Variants in THRB observed in about 807,000 individuals in gnomAD.
THRB encodes the protein thyroid hormone receptor beta, also known as nuclear receptor subfamily 1 group A member 2.
In THRB, 12 loss-of-function variants were observed where a neutral mutation model predicts 47.8. The observed-to-expected ratio is 0.25, with a 90% CI of 0.16 to 0.41. The LOEUF (loss-of-function observed/expected upper bound fraction) is 0.41, where lower values mean the gene tolerates loss of function less well. Among genes scored for constraint, THRB ranks in the 10% least tolerant of loss-of-function variants. The pLI, the probability that THRB is intolerant of heterozygous loss-of-function variation, is 1.00. For missense variants in THRB, 348 were observed against 589.2 expected (o/e 0.59, Z 4.24); for synonymous variants, 218 against 212.2 (o/e 1.03, Z -0.24).
At chr3:24,396,602 T>G (rs944692449) in intron 1 of THRB, among the ~76,000 whole-genome samples, 1 of 152,108 alleles carries the variant, frequency 6.6e-6, no homozygotes, top group Admixed American at 6.6e-5. Flanking sequence ...AAAGAAACTA[T>G]GCACCACTGG....
intron 9 of THRB, among the ~76,000 whole-genome samples, chr3:24,130,969 G>A (rs148386762): frequency 5.1e-4 from 77 of 152,262 alleles, no homozygotes; most frequent in Non-Finnish European, 8.7e-4. Flanking sequence ...ATATGTAAAC[G>A]CTATGTCCTC....
intron 8 of THRB, among the ~76,000 whole-genome samples, chr3:24,142,848 A>C (rs1287460136): frequency 6.6e-6 from 1 of 152,248 alleles, no homozygotes; most frequent in Non-Finnish European, 1.5e-5. Flanking sequence ...AGCTTACCTC[A>C]AAACACTATG....
chr3:24,482,723 G>T (rs79135424), intron 1 of THRB, among the ~76,000 whole-genome samples: 1 of 152,108 alleles, frequency 6.6e-6, no homozygotes, highest in African/African-American at 2.4e-5. Flanking sequence ...ACTGCTGTGC[G>T]ATATGCTGAG....
intron 1 of THRB, among the ~76,000 whole-genome samples, chr3:24,431,573 A>C (rs2070427175): frequency 6.6e-6 from 1 of 152,128 alleles, no homozygotes; most frequent in South Asian, 2.1e-4. Flanking sequence ...CATTTTGAAA[A>C]ATACATTTGA....
intron 1 of THRB, among the ~76,000 whole-genome samples, chr3:24,346,991 G>C (rs2063060861): frequency 6.6e-6 from 1 of 152,040 alleles, no homozygotes; most frequent in South Asian, 2.1e-4. Flanking sequence ...CAAAATTTAT[G>C]TGTTGATAAT....
At chr3:24,421,434 T>C (rs759375502) in intron 1 of THRB, among the ~76,000 whole-genome samples, 3 of 150,890 alleles carry the variant, frequency 2.0e-5, no homozygotes, top group Admixed American at 6.6e-5. Context: ...CTGGTGTAGG[T>C]GAAAAGAGAT....
intron 1 of THRB, among the ~76,000 whole-genome samples, chr3:24,362,535 T>A (rs2064150805): frequency 6.6e-6 from 1 of 152,160 alleles, no homozygotes; most frequent in Admixed American, 6.6e-5. Flanking sequence ...CACCTTCTAA[T>A]ATCCAACACT....
intron 3 of THRB, among the ~76,000 whole-genome samples, chr3:24,278,158 G>A (rs766050354): frequency 6.6e-6 from 1 of 152,152 alleles, no homozygotes; most frequent in Non-Finnish European, 1.5e-5. Flanking sequence ...AGAAAGATTT[G>A]TAATGCCTTG....
intron 4 of THRB, among the ~76,000 whole-genome samples, chr3:24,206,491 C>T (rs2045367666): frequency 6.6e-6 from 1 of 152,252 alleles, no homozygotes; most frequent in Admixed American, 6.5e-5. Flanking sequence ...CTCTGGGACA[C>T]ATTTAAAGCA....
intron 1 of THRB, among the ~76,000 whole-genome samples, chr3:24,411,397 A>T (rs1201825816): frequency 6.6e-6 from 1 of 151,736 alleles, no homozygotes; most frequent in Non-Finnish European, 1.5e-5. Flanking sequence ...GATCTCTGAG[A>T]TGTTTTACTT....
chr3:24,429,980 G>C (rs2070198284), intron 1 of THRB: 1 of 152,026 alleles, frequency 6.6e-6, no homozygotes, highest in Non-Finnish European at 1.5e-5. Context: ...AAAATTGTCA[G>C]TAGGATCTTA....
In THRB at chr3:24,139,913, C is replaced by T. The variant is rs1342541257; in HGVS notation, c.738+3588G>A. Among the ~76,000 whole-genome samples the T allele has an allele frequency of 3.9e-5, 6 of 152,062 alleles. No homozygotes were observed. The East Asian group carries it at 9.6e-4, about 24-fold the overall frequency. On this transcript the variant is annotated intron_variant, in intron 8 of 10. Transcript: ENST00000646209. ...TCTTTTTTGGAACAAAATGGGACAT[C>T]AACACATAAAAAATAAATAACACGT...
chr3:24,380,569 C>G (rs1333196742), intron 1 of THRB, among the ~76,000 whole-genome samples: 1 of 152,174 alleles, frequency 6.6e-6, no homozygotes, highest in Non-Finnish European at 1.5e-5. Context: ...GCCCTATGAA[C>G]ACATATTCTA....
At chr3:24,243,320 T>C (rs1159055140) in intron 3 of THRB, among the ~76,000 whole-genome samples, 1 of 152,018 alleles carries the variant, frequency 6.6e-6, no homozygotes, top group African/African-American at 2.4e-5. Flanking sequence ...ACGATTCCGC[T>C]CCTGTCACCC....
At chr3:24,458,633 C>T (rs1055673917) in intron 1 of THRB, 1 of 152,154 alleles carries the variant, frequency 6.6e-6, no homozygotes, top group Admixed American at 6.5e-5. Context: ...CTCAGATACC[C>T]ACTCCCTCCC....
At chr3:24,277,081 G>A (rs1241609575) in intron 3 of THRB, among the ~76,000 whole-genome samples, 3 of 152,170 alleles carry the variant, frequency 2.0e-5, no homozygotes, top group South Asian at 2.1e-4. Context: ...GGTAACAATC[G>A]TAGCTGTCAA....
At chr3:24,367,550 A>G (rs1018996210) in intron 1 of THRB, among the ~76,000 whole-genome samples, 2 of 152,188 alleles carry the variant, frequency 1.3e-5, no homozygotes, top group African/African-American at 4.8e-5. Flanking sequence ...ACCAGGTTCA[A>G]GTCCTTCTAT....
At chr3:24,185,859 G>A (rs2042503760) in intron 5 of THRB, among the ~76,000 whole-genome samples, 2 of 152,178 alleles carry the variant, frequency 1.3e-5, no homozygotes. Flanking sequence ...GAGGGGTGAA[G>A]CCTTGTAAGA....
At chr3:24,226,011 G>A (rs1374857458) in intron 4 of THRB, among the ~76,000 whole-genome samples, 3 of 152,048 alleles carry the variant, frequency 2.0e-5, no homozygotes, top group African/African-American at 2.4e-5. Flanking sequence ...TTATTCATTC[G>A]AGTTAGTGCA....
Sources: allele counts gnomAD v4.1 joint callset (sites outside exome capture counted in the v4.1 genomes callset), GRCh38; gene constraint gnomAD v4.1.1; transcripts MANE v1.5; gene names NCBI Gene and HGNC (gene_info 2026-07-23, HGNC 2026-07-21).